The following KAT2A variants were observed in gnomAD, a reference collection of about 807,000 sequenced individuals.
The protein encoded by KAT2A is lysine acetyltransferase 2A.
In KAT2A, 42 loss-of-function variants were observed where a neutral mutation model predicts 95.2. The ratio of observed to expected loss-of-function variants is 0.44; its 90% CI spans 0.34 to 0.57. KAT2A has a LOEUF of 0.57. Ranked by LOEUF, KAT2A falls within the 20% of genes least tolerant of loss-of-function variation. The probability of loss-of-function intolerance (pLI) is 0.01; values close to 1 mark genes in which losing one functional copy is unlikely to be tolerated. For missense variants in KAT2A, 784 were observed against 1,126.3 expected (o/e 0.70, Z 4.35); for synonymous variants, 449 against 448.2 (o/e 1.00, Z -0.02).
chr17:42,113,795 G>T lies in KAT2A; in HGVS notation c.2368C>A (p.Arg790=), dbSNP rs782807550. 6.2e-7 allele frequency: 1 copy of T among 1,606,162 alleles called. No individual in the cohort carries two copies. The highest frequency in any genetic ancestry group is 8.5e-7 in the Non-Finnish European group (1 of 1,177,436). Residue 790 remains arginine, a synonymous_variant, in exon 18 of 18, where the codon CGG becomes AGG. Coordinates refer to ENST00000225916, the MANE Select transcript of KAT2A (RefSeq NM_021078.3). The part of the protein sequence containing the change: ...ERLRSRYYVT[R]KLFVADLQRV... ...TGCAGGTCGGCCACAAAGAGCTTCC[G>T]GGTCACGTAGTAGCGGCTTCGCAGC...
Position 42,113,800 on chromosome 17 carries a change from A to C in KAT2A, c.2363T>G (p.Val788Gly). 1 of 1,604,078 alleles carries C rather than the reference A, an allele frequency of 6.2e-7. No individual in the cohort carries two copies. The highest frequency in any genetic ancestry group is 8.5e-7 in the Non-Finnish European group (1 of 1,176,776). ...MTERLRSRYYVTRKLFVADLQ... is the reference protein window; with the variant it reads ...MTERLRSRYYGTRKLFVADLQ... ...GTCGGCCACAAAGAGCTTCCGGGTC[A>C]CGTAGTAGCGGCTTCGCAGCCGCTC... The change falls in exon 18 of 18, where the codon GTG becomes GGG. Residue 788 changes from valine to glycine, a missense_variant. Physicochemically the swap from Val to Gly is moderately radical, Grantham distance 109 (BLOSUM62 -3). Coordinates refer to ENST00000225916, the MANE Select transcript of KAT2A (RefSeq NM_021078.3).
intron 11 of KAT2A, among the ~76,000 whole-genome samples, chr17:42,116,131 G>A (rs782408900): frequency 1.3e-5 from 2 of 152,170 alleles, no homozygotes; most frequent in African/African-American, 4.8e-5. Context: ...AGAGAAAACC[G>A]AAACTCAGCT....
Position 42,113,547 on chromosome 17 carries a change from C to T in KAT2A, c.*102G>A. 1 of 1,179,950 alleles carries T rather than the reference C, an allele frequency of 8.5e-7. No homozygotes were observed. Among genetic ancestry groups the T allele is most frequent in the Non-Finnish European group, 1.2e-6 (1 of 833,704 alleles). The allele number at this position is 1,179,950 out of a possible 1,614,324, so 73.1% of individuals were successfully genotyped here. ...TCCGGAGGACCCTTGGCTGGAGTGTCTCAAGCTGAGTCGGGTCCGTGGGGC... is the reference window on the plus strand; with the variant it reads ...TCCGGAGGACCCTTGGCTGGAGTGTTTCAAGCTGAGTCGGGTCCGTGGGGC... On this transcript the variant is annotated 3_prime_UTR_variant, in exon 18 of 18. Coordinates refer to ENST00000225916, the MANE Select transcript of KAT2A (RefSeq NM_021078.3).
chr17:42,118,524 A>C (rs559876631), intron 6 of KAT2A, 121 bp from the exon 7 acceptor site: 78 of 692,886 alleles, frequency 1.1e-4, no homozygotes, highest in Non-Finnish European at 1.9e-4. Flanking sequence ...TGGGGACCTG[A>C]GAGAGGGGAC....
chr17:42,115,323 C>T (rs1275524048), intron 12 of KAT2A, among the ~76,000 whole-genome samples: 1 of 125,686 alleles, frequency 8.0e-6, no homozygotes, highest in Non-Finnish European at 1.7e-5. Context: ...GCCTCCTCTA[C>T]TGGCCCCCCA....
rs964732011 is a variant in KAT2A, at chr17:42,119,946, G to A, written c.699+84C>T. 7.9e-7 allele frequency: 1 copy of A among 1,267,004 alleles called. No homozygotes were observed. Among genetic ancestry groups the A allele is most frequent in the Non-Finnish European group, 1.2e-6 (1 of 868,782 alleles). The allele number at this position is 1,267,004 out of a possible 1,614,324, so 78.5% of individuals were successfully genotyped here. Reference sequence around the variant, plus strand: ...TGAACCTCCCCAGTGTTCTCAGCTTGAGGAGAATGGAGAACACAGGCTCCC... The same window carrying A: ...TGAACCTCCCCAGTGTTCTCAGCTTAAGGAGAATGGAGAACACAGGCTCCC... On this transcript the variant is annotated intron_variant, in intron 4 of 17. Coordinates refer to ENST00000225916, the MANE Select transcript of KAT2A (RefSeq NM_021078.3). The surrounding 1 kb of genome is among the most constrained non-coding windows in gnomAD (Gnocchi z 5.3).
At chr17:42,116,663 GCTGCAGTGAGCCCTGATCATGCCT>G (rs1257826195) in intron 11 of KAT2A, among the ~76,000 whole-genome samples, 1 of 152,194 alleles carries the variant, frequency 6.6e-6, no homozygotes, top group African/African-American at 2.4e-5. Flanking sequence ...GGAGGTTGAG[GCTGCAGTGAGCCCTGATCATGCCT>G]CTGCACTGCG....
At chr17:42,116,962 C>T in intron 11 of KAT2A, 73 bp downstream of exon 11, 7 of 1,573,194 alleles carry the variant, frequency 4.4e-6, no homozygotes, top group Non-Finnish European at 6.1e-6. Flanking sequence ...TGCCACACAT[C>T]CTGCTGCTCC....
chr17:42,116,444 G>A (rs1158027608), intron 11 of KAT2A, among the ~76,000 whole-genome samples: 2 of 152,234 alleles, frequency 1.3e-5, no homozygotes, highest in Non-Finnish European at 2.9e-5. Context: ...TTGGCTGGGC[G>A]CGGTGGCTCA....
In KAT2A at chr17:42,120,946, AC is replaced by A; in HGVS notation, c.339+19del. ...GGGATGCCCCAAGCCCCGCCCCTTC[AC>A]CCCAGGCCCCGCCCCCACCTTGCAA... On this transcript the variant is annotated intron_variant, in intron 1 of 17. Coordinates refer to ENST00000225916, the MANE Select transcript of KAT2A (RefSeq NM_021078.3). The A allele has an allele frequency of 1.3e-6, 2 of 1,497,240 alleles. No homozygotes were observed. The highest frequency in any genetic ancestry group is 1.8e-6 in the Non-Finnish European group (2 of 1,118,710). 92.7% of individuals were successfully genotyped at this position (1,497,240 alleles called of 1,614,324 possible).
Position 42,114,927 on chromosome 17 carries a change from T to C in KAT2A, c.1984A>G (p.Thr662Ala). ...TTCTTGATGATGTGGGACAGCTCCG[T>C]GTAGGGGATGCGGGGATTCAGCTCA... ...ECELNPRIPYTELSHIIKKQK... is the reference protein window; with the variant it reads ...ECELNPRIPYAELSHIIKKQK... Residue 662 changes from threonine to alanine, a missense_variant, in exon 13 of 18, where the codon ACG (threonine) becomes GCG (alanine). Coordinates refer to ENST00000225916, the MANE Select transcript of KAT2A (RefSeq NM_021078.3). This position sits in a 1 kb window ranked among gnomAD's most constrained non-coding sequence, Gnocchi z 6.0. The C allele has an allele frequency of 1.2e-6, 2 of 1,614,004 alleles. No homozygotes were observed. Among genetic ancestry groups the C allele is most frequent in the Non-Finnish European group, 1.7e-6 (2 of 1,179,954 alleles).
rs1555665626 is a variant in KAT2A at position 42,114,773 on chromosome 17, GCC to G, written c.2019+117_2019+118del. On this transcript the variant is annotated intron_variant, in intron 13 of 17. Coordinates refer to ENST00000225916, the MANE Select transcript of KAT2A (RefSeq NM_021078.3). The surrounding 1 kb of genome is among the most constrained non-coding windows in gnomAD (Gnocchi z 6.0). ...AGAGCAAGAGCCAAGATCCTGGCCT[GCC>G]CCTCCTCACTCACACACATATATGC... 1 of 1,253,142 alleles carries G rather than the reference GCC, an allele frequency of 8.0e-7. No individual in the cohort carries two copies. Among genetic ancestry groups the G allele is most frequent in the African/African-American group, 1.5e-5 (1 of 67,880 alleles). The allele number at this position is 1,253,142 out of a possible 1,614,324, so 77.6% of individuals were successfully genotyped here. A position where few individuals can be genotyped will look rare whatever the true frequency, so the allele number is the denominator to read the frequency against.
chr17:42,118,285 C>G lies in KAT2A; in HGVS notation c.1180+12G>C. On this transcript the variant is annotated intron_variant, in intron 7 of 17. Transcript: ENST00000225916. Reference sequence around the variant, plus strand: ...AGGCCAGACACCCTACAGAGCGTACCATGGCACATACCTGGCCGGGGAACC... The same window carrying G: ...AGGCCAGACACCCTACAGAGCGTACGATGGCACATACCTGGCCGGGGAACC... 2 of 1,580,472 alleles carry G rather than the reference C, an allele frequency of 1.3e-6. No homozygotes were observed. The highest frequency in any genetic ancestry group is 1.7e-6 in the Non-Finnish European group (2 of 1,149,520).
chr17:42,121,216 G>A lies in KAT2A; in HGVS notation c.89C>T (p.Pro30Leu). ...QSPAPAPTPT[P>L]APSPASAPIP... Reference sequence around the variant, plus strand: ...CGGGGCTGAAGCCGGGCTGGGTGCAGGAGTCGGAGTTGGGGCAGGGGCTGG... The same window carrying A: ...CGGGGCTGAAGCCGGGCTGGGTGCAAGAGTCGGAGTTGGGGCAGGGGCTGG... Residue 30 changes from proline to leucine, a missense_variant, in exon 1 of 18, where the codon CCT becomes CTT. Physicochemically the swap from Pro to Leu is moderately conservative, Grantham distance 98. This residue lies in a region of KAT2A where 142 missense variants were observed against 123.2 expected (regional missense o/e 1.15). Coordinates refer to ENST00000225916, the MANE Select transcript of KAT2A (RefSeq NM_021078.3). 1 of 1,341,284 alleles carries A rather than the reference G, an allele frequency of 7.5e-7. No individual in the cohort carries two copies. Among genetic ancestry groups the A allele is most frequent in the Non-Finnish European group, 9.9e-7 (1 of 1,014,494 alleles). 83.1% of individuals were successfully genotyped at this position (1,341,284 alleles called of 1,614,324 possible). A position where few individuals can be genotyped will look rare whatever the true frequency, so the allele number is the denominator to read the frequency against.
At position 42,117,030 on chromosome 17, in the gene KAT2A, C is replaced by T. The variant is rs924084767; in HGVS notation, c.1764+5G>A. 2 of 1,613,800 alleles carry T rather than the reference C, an allele frequency of 1.2e-6. No individual in the cohort carries two copies. The highest frequency in any genetic ancestry group is 3.3e-5 in the Admixed American group (2 of 60,028). ...CTGGGGCTGGGGCCGGGGAGCCGCG[C>T]TCACCTTGACCTGCTCATTCGAGGT... On this transcript the variant is annotated splice_donor_5th_base_variant and intron_variant, in intron 11 of 17. Transcript: ENST00000225916. The surrounding 1 kb of genome is among the most constrained non-coding windows in gnomAD (Gnocchi z 8.9).
rs1172123578 is a variant in KAT2A, at chr17:42,119,825, TCTC to T, written c.700-110_700-108del. The T allele has an allele frequency of 8.5e-6, 9 of 1,055,330 alleles. No homozygotes were observed. The highest frequency in any genetic ancestry group is 1.1e-5 in the Non-Finnish European group (8 of 729,770). The allele number at this position is 1,055,330 out of a possible 1,614,324, so 65.4% of individuals were successfully genotyped here. On this transcript the variant is annotated intron_variant, in intron 4 of 17. Transcript: ENST00000225916. This position sits in a 1 kb window ranked among gnomAD's most constrained non-coding sequence, Gnocchi z 5.3. The stretch of plus-strand genomic sequence containing the variant: ...CCCTGGCCAGGGACAAGGTTCTCCT[TCTC>T]CTCTCTCTCTCGGGTGCTCTCTATA...
chr17:42,115,765 G>C lies in KAT2A; in HGVS notation c.1833C>G (p.Leu611=), dbSNP rs1390047909. 1 of 1,613,836 alleles carries C rather than the reference G, an allele frequency of 6.2e-7. No individual in the cohort carries two copies. Among genetic ancestry groups the C allele is most frequent in the Non-Finnish European group, 8.5e-7 (1 of 1,179,840 alleles). ...CGATGGCGTACTCGTCGGCGTAGGT[G>C]AGGAAGTAGAGAATGTTGTGCTTGA... ...YHIKHNILYF[L]TYADEYAIGY... The change falls in exon 12 of 18, where the codon CTC becomes CTG. Residue 611 remains leucine, a synonymous_variant. Transcript: ENST00000225916.
In KAT2A at chr17:42,119,358, G is replaced by C. The variant is rs1555666798; in HGVS notation, c.960C>G (p.Ser320Arg). ...RYETTHVFGRSLLRSIFTVTR... is the reference protein window; with the variant it reads ...RYETTHVFGRRLLRSIFTVTR... ...TAACGGTGAAAATGGACCGGAGAAG[G>C]CTTCGCCCAAAGACATGAGTGGTTT... The change falls in exon 6 of 18, where the codon AGC (serine) becomes AGG (arginine). Residue 320 changes from serine (S) to arginine (R), a missense_variant. Ser to Arg is a moderately radical substitution (Grantham distance 110). This residue lies in a region of KAT2A where 208 missense variants were observed against 339.7 expected (regional missense o/e 0.61). Transcript: ENST00000225916. This position sits in a 1 kb window ranked among gnomAD's most constrained non-coding sequence, Gnocchi z 5.3. 6.2e-7 allele frequency: 1 copy of C among 1,614,002 alleles called. No homozygotes were observed. Among genetic ancestry groups the C allele is most frequent in the Non-Finnish European group, 8.5e-7 (1 of 1,180,004 alleles).
intron 7 of KAT2A, 44 bp from the exon 8 acceptor site, chr17:42,118,061 G>A (rs782094467): frequency 2.7e-5 from 36 of 1,341,944 alleles, no homozygotes; most frequent in Non-Finnish European, 3.5e-5. Context: ...CTGAAGCTGA[G>A]GAGAGAGAGA....
Sources: allele counts gnomAD v4.1 joint callset (sites outside exome capture counted in the v4.1 genomes callset), GRCh38; gene constraint gnomAD v4.1.1; regional missense constraint gnomAD v4.1.1; non-coding constraint Gnocchi (gnomAD v3.1); transcripts MANE v1.5; gene names NCBI Gene and HGNC (gene_info 2026-07-23, HGNC 2026-07-21).